Variants in GYPE observed in about 807,000 individuals in gnomAD.
The protein encoded by GYPE is glycophorin-E.
Under a neutral mutation model 11.6 loss-of-function variants are expected in GYPE, and 8 were observed. The ratio of observed to expected loss-of-function variants is 0.69; its 90% CI spans 0.41 to 1.25. GYPE has a LOEUF of 1.25. Among genes scored for constraint, GYPE ranks in the 50% most tolerant of loss-of-function variants. The pLI, the probability that GYPE is intolerant of heterozygous loss-of-function variation, is 0.01. For missense variants in GYPE, 90 were observed against 92.8 expected (o/e 0.97, Z 0.12); for synonymous variants, 28 against 29.6 (o/e 0.94, Z 0.18).
At position 143,873,765 on chromosome 4, in the gene GYPE, A is replaced by T. The variant is rs562894897; in HGVS notation, c.*10-1513T>A. ...AATGATTGACCTGAGCATGAAATCAATTCTAAAAATAACTAAGGGGCAGAT... is the reference window on the plus strand; with the variant it reads ...AATGATTGACCTGAGCATGAAATCATTTCTAAAAATAACTAAGGGGCAGAT... On this transcript the variant is annotated intron_variant, in intron 3 of 3. Coordinates refer to ENST00000358615, the MANE Select transcript of GYPE (RefSeq NM_198682.3). Among the ~76,000 whole-genome samples the T allele has an allele frequency of 1.3e-3, 202 of 152,272 alleles. 1 individual carries two copies. The highest frequency in any genetic ancestry group is 4.5e-3 in the African/African-American group (187 of 41,554).
chr4:143,879,077 T>A (rs1214329099), intron 2 of GYPE, among the ~76,000 whole-genome samples: 1 of 152,126 alleles, frequency 6.6e-6, no homozygotes, highest in Non-Finnish European at 1.5e-5. Context: ...CAAAGAGGGA[T>A]CATGCGGCCA....
At chr4:143,894,920 T>C (rs1744566386) in intron 1 of GYPE, among the ~76,000 whole-genome samples, 1 of 152,086 alleles carries the variant, frequency 6.6e-6, no homozygotes, top group South Asian at 2.1e-4. Flanking sequence ...ATTATCTCAA[T>C]AGATGCAGAA....
At chr4:143,873,340 A>G in intron 3 of GYPE, 1 of 433,628 alleles carries the variant, frequency 2.3e-6, no homozygotes, top group Non-Finnish European at 4.6e-6. Context: ...TCAGCTGAGA[A>G]TGGAAATAAT....
rs554792137 is a variant in GYPE, at chr4:143,875,389, A to G, written c.*9+1357T>C. 5.8e-5 allele frequency: 81 copies of G among 1,407,074 alleles called. No individual in the cohort carries two copies. The South Asian group carries it at 9.4e-4, about 16-fold the overall frequency. 87.2% of individuals were successfully genotyped at this position (1,407,074 alleles called of 1,614,324 possible). A position where few individuals can be genotyped will look rare whatever the true frequency, so the allele number is the denominator to read the frequency against. On this transcript the variant is annotated intron_variant, in intron 3 of 3. Transcript: ENST00000358615. ...AGGCAGGAGAACAGGGAGTTAGGATAGCCAAGGGTTGGGGCATAAGCAAAG... is the reference window on the plus strand; with the variant it reads ...AGGCAGGAGAACAGGGAGTTAGGATGGCCAAGGGTTGGGGCATAAGCAAAG...
At chr4:143,904,915 T>G (rs1330148618) in intron 1 of GYPE, among the ~76,000 whole-genome samples, 2 of 152,168 alleles carry the variant, frequency 1.3e-5, no homozygotes, top group Non-Finnish European at 2.9e-5. Context: ...TTTAAATTTC[T>G]CCTAAAATTC....
At chr4:143,874,512 A>C (rs1219111342) in intron 3 of GYPE, among the ~76,000 whole-genome samples, 2 of 152,232 alleles carry the variant, frequency 1.3e-5, no homozygotes, top group Non-Finnish European at 2.9e-5. Context: ...GATGCTGAAC[A>C]TAGCAGATTT....
chr4:143,904,191 C>T (rs1394163883), intron 1 of GYPE, among the ~76,000 whole-genome samples: 1 of 151,750 alleles, frequency 6.6e-6, no homozygotes, highest in African/African-American at 2.4e-5. Context: ...AGGTTTGTTC[C>T]CTAGTCTGTA....
At chr4:143,876,254 C>T (rs1743804797) in intron 3 of GYPE, among the ~76,000 whole-genome samples, 1 of 152,058 alleles carries the variant, frequency 6.6e-6, no homozygotes, top group African/African-American at 2.4e-5. Context: ...GCTGATACTA[C>T]ACGTGTGCAC....
intron 1 of GYPE, among the ~76,000 whole-genome samples, chr4:143,903,894 C>A (rs1233463506): frequency 1.4e-5 from 2 of 142,432 alleles, no homozygotes; most frequent in African/African-American, 2.5e-5. Flanking sequence ...GCTGGGCACA[C>A]CCCCCAGTAG....
chr4:143,874,904 A>G (rs2149903329), intron 3 of GYPE, among the ~76,000 whole-genome samples: 1 of 152,164 alleles, frequency 6.6e-6, no homozygotes, highest in East Asian at 1.9e-4. Context: ...TTGAGGAGGG[A>G]CCTTAACTCC....
chr4:143,873,063 A>G (rs1156314856), intron 3 of GYPE, among the ~76,000 whole-genome samples: 1 of 152,194 alleles, frequency 6.6e-6, no homozygotes, highest in Non-Finnish European at 1.5e-5. Context: ...AATATAAAAA[A>G]CAAGAGTAGA....
At chr4:143,894,394 TAG>T (rs1346574257) in intron 1 of GYPE, among the ~76,000 whole-genome samples, 1 of 152,076 alleles carries the variant, frequency 6.6e-6, no homozygotes, top group Non-Finnish European at 1.5e-5. Flanking sequence ...CTCTGCTTTT[TAG>T]AGTTTCCAGT....
At chr4:143,873,501 G>T (rs1469930073) in intron 3 of GYPE, 1 of 455,346 alleles carries the variant, frequency 2.2e-6, no homozygotes. Flanking sequence ...GCCATGAGAA[G>T]GGTCAAGAAC....
intron 1 of GYPE, among the ~76,000 whole-genome samples, chr4:143,898,534 C>T (rs1038790869): frequency 5.9e-5 from 9 of 151,964 alleles, no homozygotes; most frequent in Non-Finnish European, 1.2e-4. Flanking sequence ...AATTATGGAC[C>T]ATTTTAGCCC....
chr4:143,892,768 G>GA (rs1744460973), intron 1 of GYPE, among the ~76,000 whole-genome samples: 1 of 146,200 alleles, frequency 6.8e-6, no homozygotes, highest in Non-Finnish European at 1.5e-5. Flanking sequence ...GTGTGGTGCT[G>GA]AAAAAAGTGT....
At chr4:143,893,492 T>G (rs1173052441) in intron 1 of GYPE, among the ~76,000 whole-genome samples, 4 of 152,018 alleles carry the variant, frequency 2.6e-5, no homozygotes, top group South Asian at 2.1e-4. Context: ...AGGAGCTCTT[T>G]TAGGGCAGGC....
intron 1 of GYPE, among the ~76,000 whole-genome samples, chr4:143,885,444 T>TAGAAA (rs1355033057): frequency 2.0e-5 from 3 of 152,098 alleles, no homozygotes; most frequent in Non-Finnish European, 4.4e-5. Context: ...TCTTTCTTCT[T>TAGAAA]CAACAGCTAC....
chr4:143,898,574 G>A (rs1047216743), intron 1 of GYPE, among the ~76,000 whole-genome samples: 1 of 151,988 alleles, frequency 6.6e-6, no homozygotes, highest in Non-Finnish European at 1.5e-5. Flanking sequence ...ACATAAAGCA[G>A]AATAAGAAAT....
intron 1 of GYPE, among the ~76,000 whole-genome samples, chr4:143,899,489 T>C (rs1744781038): frequency 1.3e-5 from 2 of 152,294 alleles, no homozygotes; most frequent in South Asian, 4.2e-4. Flanking sequence ...AAAATTTCTA[T>C]GAAATTGTTA....
Sources: allele counts gnomAD v4.1 joint callset (sites outside exome capture counted in the v4.1 genomes callset), GRCh38; gene constraint gnomAD v4.1.1; transcripts MANE v1.5; gene names NCBI Gene and HGNC (gene_info 2026-07-23, HGNC 2026-07-21).